The following PRKAR1A variants were observed in gnomAD, a reference collection of about 807,000 sequenced individuals.
PRKAR1A encodes the protein protein kinase cAMP-dependent type I regulatory subunit alpha.
A neutral mutation model predicts 52.0 loss-of-function variants in PRKAR1A; 3 were observed. The ratio of observed to expected loss-of-function variants is 0.06; its 90% CI spans 0.03 to 0.15. The LOEUF (loss-of-function observed/expected upper bound fraction) is 0.15. Ranked by LOEUF, PRKAR1A falls within the 10% of genes least tolerant of loss-of-function variation. The pLI, the probability that PRKAR1A is intolerant of heterozygous loss-of-function variation, is 1.00. For synonymous variants in PRKAR1A, 188 were observed against 168.4 expected, an observed-to-expected ratio of 1.12 and a Z score of -0.90; for missense variants, 240 against 477.4, an observed-to-expected ratio of 0.50 and a Z score of 4.63.
At chr17:68,431,389 G>GCATA in the PRKAR1A span, among the ~76,000 whole-genome samples, 10 of 152,032 alleles carry the variant, frequency 6.6e-5, no homozygotes, top group Non-Finnish European at 1.2e-4. Context: ...GGCACGTGGC[G>GCATA]CATACTGTTT....
chr17:68,547,261 T>C (rs978469247), intron 11 of PRKAR1A, among the ~76,000 whole-genome samples: 1 of 152,194 alleles, frequency 6.6e-6, no homozygotes, highest in African/African-American at 2.4e-5. Flanking sequence ...TTTGAATCTT[T>C]ATCATTATTA....
In PRKAR1A at chr17:68,539,491, A is replaced by T. The variant is rs2086196559; in HGVS notation, c.973+9490A>T. On this transcript the variant is annotated intron_variant, in intron 11 of 11. Transcript: ENST00000585981. ...CCTCTCAGCATTTTGTGAATCAGAGATTGGGGTAAAATGCCAGGGATCATG... is the reference window on the plus strand; with the variant it reads ...CCTCTCAGCATTTTGTGAATCAGAGTTTGGGGTAAAATGCCAGGGATCATG... The T allele has an allele frequency of 9.4e-6, 11 of 1,166,342 alleles. No individual in the cohort carries two copies. The South Asian group carries it at 1.4e-4, about 14-fold the overall frequency. The allele number at this position is 1,166,342 out of a possible 1,614,324, so 72.2% of individuals were successfully genotyped here.
intron 11 of PRKAR1A, chr17:68,542,905 G>A: frequency 1.0e-6 from 1 of 952,608 alleles, no homozygotes; most frequent in Non-Finnish European, 1.7e-6. Flanking sequence ...GAATTGGCTG[G>A]TGTACCCAGG....
chr17:68,436,318 T>C, the PRKAR1A span: 1 of 1,488,020 alleles, frequency 6.7e-7, no homozygotes, highest in East Asian at 2.3e-5. Flanking sequence ...TCCTTATCTA[T>C]CTCCTTCCAT....
At chr17:68,517,717 G>A (rs2085477858) in intron 2 of PRKAR1A, among the ~76,000 whole-genome samples, 1 of 152,106 alleles carries the variant, frequency 6.6e-6, no homozygotes, top group Admixed American at 6.5e-5. Context: ...TTCCACCTCT[G>A]GCCCCTCCCA....
At chr17:68,438,243 G>GGCAGCCCT in the PRKAR1A span, among the ~76,000 whole-genome samples, 49,902 of 151,622 alleles carry the variant, frequency 0.33, 8,661 homozygotes, top group Middle Eastern at 0.46. Context: ...TGCACGTTCT[G>GGCAGCCCT]GCAGCCCTGC....
chr17:68,441,973 G>A, the PRKAR1A span, among the ~76,000 whole-genome samples: 1 of 152,132 alleles, frequency 6.6e-6, no homozygotes, highest in African/African-American at 2.4e-5. Context: ...TGAGACAGAG[G>A]AAGTCTCTGC....
downstream of PRKAR1A, chr17:68,535,110 A>G (rs182067590): frequency 6.2e-4 from 227 of 363,748 alleles, 2 homozygotes; most frequent in African/African-American, 4.5e-3. Flanking sequence ...GTAACTTGAA[A>G]AGTTCTCAGA....
At chr17:68,457,134 G>A in the PRKAR1A span, among the ~76,000 whole-genome samples, 1 of 151,850 alleles carries the variant, frequency 6.6e-6, no homozygotes, top group Non-Finnish European at 1.5e-5. Context: ...GCTCTGGGAG[G>A]ACACTGGGAG....
chr17:68,514,388 T>C (rs1481341061), intron 1 of PRKAR1A, among the ~76,000 whole-genome samples: 1 of 152,240 alleles, frequency 6.6e-6, no homozygotes, highest in East Asian at 1.9e-4. Context: ...TGTCTTCTAC[T>C]CTTAAGTGCT....
downstream of PRKAR1A, chr17:68,537,132 T>C (rs1284948490): frequency 2.0e-6 from 1 of 490,734 alleles, no homozygotes; most frequent in Non-Finnish European, 4.0e-6. This position sits in a 1 kb window ranked among gnomAD's most constrained non-coding sequence, Gnocchi z 4.2. Flanking sequence ...ATCCACTTGA[T>C]GTCCTTTTAT....
At chr17:68,543,862 A>G (rs770774367) in intron 11 of PRKAR1A, 1 of 755,986 alleles carries the variant, frequency 1.3e-6, no homozygotes, top group Non-Finnish European at 2.3e-6. Context: ...ACGGCAAGTC[A>G]GGAATGGCCT....
chr17:68,547,567 T>C (rs1025811643), intron 11 of PRKAR1A, among the ~76,000 whole-genome samples: 2 of 152,260 alleles, frequency 1.3e-5, no homozygotes, highest in African/African-American at 2.4e-5. Context: ...TTTTATGTTA[T>C]GGAGATGGCT....
At chr17:68,452,762 T>C in the PRKAR1A span, 2 of 625,122 alleles carry the variant, frequency 3.2e-6, no homozygotes, top group African/African-American at 1.8e-5. Flanking sequence ...GTGGCAACGA[T>C]TTATATTTAA....
At chr17:68,432,222 G>C in the PRKAR1A span, among the ~76,000 whole-genome samples, 1 of 152,132 alleles carries the variant, frequency 6.6e-6, no homozygotes, top group African/African-American at 2.4e-5. Context: ...GGGGTGGGGG[G>C]AGACAAGGAT....
At chr17:68,415,280 A>G in the PRKAR1A span, among the ~76,000 whole-genome samples, 2 of 152,144 alleles carry the variant, frequency 1.3e-5, no homozygotes, top group African/African-American at 4.8e-5. Context: ...TTTTTGACTC[A>G]ATGATCATTT....
chr17:68,509,869 C>G (rs1237607597), upstream of PRKAR1A, among the ~76,000 whole-genome samples: 1 of 152,092 alleles, frequency 6.6e-6, no homozygotes, highest in Non-Finnish European at 1.5e-5. Flanking sequence ...GGAAATGGCC[C>G]GTGGCTGGAC....
chr17:68,453,120 C>A, the PRKAR1A span: 1 of 644,492 alleles, frequency 1.6e-6, no homozygotes, highest in Non-Finnish European at 2.7e-6. Flanking sequence ...AGCTTAGATC[C>A]TTGGTAACTT....
chr17:68,418,787 C>T, the PRKAR1A span, among the ~76,000 whole-genome samples: 1 of 152,124 alleles, frequency 6.6e-6, no homozygotes. Flanking sequence ...GAAGGAGCCA[C>T]TGGAAGAATT....
Sources: gnomAD v4.1 joint callset for allele counts (sites outside exome capture counted in the v4.1 genomes callset) on GRCh38, gnomAD v4.1.1 for gene constraint, Gnocchi (gnomAD v3.1) non-coding constraint, MANE v1.5 for transcripts, NCBI Gene and HGNC (gene_info 2026-07-23, HGNC 2026-07-21) for gene names.